CCDC7: variants seen among roughly 807,000 people sequenced by gnomAD.
The protein encoded by CCDC7 is coiled-coil domain-containing protein 7.
A neutral mutation model predicts 196.9 loss-of-function variants in CCDC7; 183 were observed. The observed-to-expected ratio is 0.93, with a 90% CI of 0.82 to 1.05. The LOEUF (loss-of-function observed/expected upper bound fraction) is 1.05. CCDC7 is among the 50% of genes least tolerant of loss of function. The probability of loss-of-function intolerance (pLI) is 0.00; values close to 1 mark genes in which losing one functional copy is unlikely to be tolerated. For synonymous variants in CCDC7, 525 were observed against 484.6 expected (o/e 1.08, Z -1.10); for missense variants, 1,540 against 1,482.2 (o/e 1.04, Z -0.64).
chr10:32,567,030 C>T (rs1441118801), intron 14 of CCDC7, among the ~76,000 whole-genome samples: 2 of 134,190 alleles, frequency 1.5e-5, no homozygotes, highest in Admixed American at 1.5e-4. Flanking sequence ...TCTAACCTTT[C>T]TAATATAGCT....
At chr10:32,491,659 C>A (rs1035895517) in intron 8 of CCDC7, among the ~76,000 whole-genome samples, 2 of 152,054 alleles carry the variant, frequency 1.3e-5, no homozygotes, top group African/African-American at 2.4e-5. Flanking sequence ...GCCTGAACTT[C>A]TTTATTTGAA....
chr10:32,571,931 A>G, intron 16 of CCDC7, 38 bp downstream of exon 17: 2 of 1,552,884 alleles, frequency 1.3e-6, no homozygotes, highest in African/African-American at 1.4e-5. Flanking sequence ...CTCATTTTCT[A>G]ATCTTTATCA....
At chr10:32,711,556 AAC>A (rs2080840552) in intron 24 of CCDC7, 62 bp from the exon 26 acceptor site, 3 of 971,640 alleles carry the variant, frequency 3.1e-6, no homozygotes, top group Non-Finnish European at 4.6e-6. Context: ...TATAAATTTG[AAC>A]TCTAGGATTT....
At chr10:32,707,036 A>C (rs1312099789) in intron 24 of CCDC7, among the ~76,000 whole-genome samples, 1 of 152,242 alleles carries the variant, frequency 6.6e-6, no homozygotes, top group East Asian at 1.9e-4. Context: ...ATTTTAGACC[A>C]ATATCCCTGA....
intron 11 of CCDC7, among the ~76,000 whole-genome samples, chr10:32,527,338 A>G (rs1393751225): frequency 6.6e-6 from 1 of 152,056 alleles, no homozygotes; most frequent in Non-Finnish European, 1.5e-5. Flanking sequence ...GCCCTCCTCA[A>G]TGCCTCTTTT....
chr10:32,681,738 TACAC>T (rs57829018), intron 21 of CCDC7, among the ~76,000 whole-genome samples: 10,432 of 137,528 alleles, frequency 0.076, 422 homozygotes, highest in Middle Eastern at 0.11. Flanking sequence ...TTTATATGTA[TACAC>T]ACACACACAC....
intron 20 of CCDC7, among the ~76,000 whole-genome samples, chr10:32,652,306 T>C (rs935290108): frequency 3.9e-5 from 6 of 152,152 alleles, no homozygotes; most frequent in African/African-American, 9.7e-5. Context: ...TGCATGTCTT[T>C]ATAGGTGAAG....
At chr10:32,465,547 G>T (rs2036600504) in intron 5 of CCDC7, among the ~76,000 whole-genome samples, 1 of 149,704 alleles carries the variant, frequency 6.7e-6, no homozygotes, top group African/African-American at 2.5e-5. Flanking sequence ...CCTGGCTATT[G>T]TTTTACCTCT....
At chr10:32,526,294 A>T (rs1023196495) in intron 11 of CCDC7, among the ~76,000 whole-genome samples, 1 of 151,778 alleles carries the variant, frequency 6.6e-6, no homozygotes, top group East Asian at 1.9e-4. Context: ...CAGGCCTGGG[A>T]CTCACCCTTC....
chr10:32,512,520 T>C (rs1006864334), intron 9 of CCDC7: 1 of 152,200 alleles, frequency 6.6e-6, no homozygotes, highest in African/African-American at 2.4e-5. Flanking sequence ...AAGGCATCCA[T>C]GTGGTTAAAA....
chr10:32,668,750 A>T (rs1278830443), intron 21 of CCDC7, among the ~76,000 whole-genome samples: 2 of 152,070 alleles, frequency 1.3e-5, no homozygotes, highest in Non-Finnish European at 2.9e-5. Context: ...AAGCTTCCTG[A>T]TGTGCTGCTG....
chr10:32,722,379 A>G (rs1356279206), intron 25 of CCDC7, among the ~76,000 whole-genome samples: 1 of 152,262 alleles, frequency 6.6e-6, no homozygotes, highest in East Asian at 1.9e-4. Flanking sequence ...TCCCAGTGGT[A>G]GGGCTACCAT....
At chr10:32,711,702 A>G (rs1198061860) in exon 25 of CCDC7, 1 of 1,587,772 alleles carries the variant, frequency 6.3e-7, no homozygotes, top group Non-Finnish European at 8.6e-7. Flanking sequence ...TAGAGATTCA[A>G]GAAACTTCTG....
Position 32,729,368 on chromosome 10 carries a change from T to G in CCDC7, c.2816T>G (p.Leu939Arg), listed in dbSNP as rs776944539. The change falls in exon 28 of 42, where the codon CTT becomes CGT. Residue 939 changes from leucine (L) to arginine (R), a missense_variant. Leu to Arg is a moderately radical substitution (Grantham distance 102). Coordinates refer to ENST00000639629, the Ensembl canonical transcript of CCDC7. ...GAAATCAAAAAAAAGGATATATCAC[T>G]TGAACATCTGTTGCCTGAGGAGAAA... is the stretch of plus-strand genomic sequence containing the variant. The G allele has an allele frequency of 1.9e-6, 3 of 1,559,566 alleles. No homozygotes were observed. In the South Asian group the frequency reaches 3.7e-5, roughly 19 times the overall value.
At chr10:32,560,020 A>T (rs1464045870) in intron 13 of CCDC7, among the ~76,000 whole-genome samples, 1 of 152,236 alleles carries the variant, frequency 6.6e-6, no homozygotes, top group Admixed American at 6.5e-5. Flanking sequence ...AACTACGTGA[A>T]GAATGCAGAA....
intron 9 of CCDC7, among the ~76,000 whole-genome samples, chr10:32,508,555 C>T (rs547849604): frequency 1.3e-5 from 2 of 152,222 alleles, no homozygotes; most frequent in Admixed American, 1.3e-4. Flanking sequence ...AATTCATATG[C>T]AATTTCAAAA....
intron 18 of CCDC7, among the ~76,000 whole-genome samples, chr10:32,631,794 AT>A (rs1489463182): frequency 6.6e-6 from 1 of 151,954 alleles, no homozygotes; most frequent in Non-Finnish European, 1.5e-5. Flanking sequence ...TTGTCTTCTC[AT>A]TTATCATATA....
chr10:32,772,641 T>A (rs2079352310), intron 28 of CCDC7, among the ~76,000 whole-genome samples: 1 of 152,184 alleles, frequency 6.6e-6, no homozygotes, highest in Non-Finnish European at 1.5e-5. Context: ...GTCTGCAGGG[T>A]CCCCTGTTAA....
chr10:32,691,671 G>A (rs2141261786), intron 23 of CCDC7, among the ~76,000 whole-genome samples: 1 of 152,296 alleles, frequency 6.6e-6, no homozygotes, highest in South Asian at 2.1e-4. Context: ...ACAGCGGAAT[G>A]GCTCAAGGGC....
Sources: allele counts gnomAD v4.1 joint callset (sites outside exome capture counted in the v4.1 genomes callset), GRCh38; gene constraint gnomAD v4.1.1; transcripts MANE v1.5; gene names NCBI Gene and HGNC (gene_info 2026-07-23, HGNC 2026-07-21).